MTCL1: variants seen among roughly 807,000 people sequenced by gnomAD.
The protein encoded by MTCL1 is microtubule crosslinking factor 1.
MTCL1 carries 79 observed loss-of-function variants against 141.4 expected under a neutral mutation model. The observed-to-expected ratio is 0.56, with a 90% CI of 0.47 to 0.67. The LOEUF is 0.67. MTCL1 is among the 30% of genes least tolerant of loss of function. MTCL1 has a pLI of 0.00. For missense variants in MTCL1, 2,177 were observed against 2,113.9 expected, an observed-to-expected ratio of 1.03 and a Z score of -0.59; for synonymous variants, 914 against 875.8, an observed-to-expected ratio of 1.04 and a Z score of -0.77.
intron 5 of MTCL1, 120 bp from the exon 5 acceptor site, chr18:8,783,410 T>C (rs1424120306): frequency 3.2e-6 from 3 of 952,018 alleles, no homozygotes; most frequent in African/African-American, 3.3e-5. Context: ...GCGGCACCGA[T>C]GGGAAGATCG....
chr18:8,770,781 G>A (rs993478519), intron 4 of MTCL1, among the ~76,000 whole-genome samples: 6 of 152,082 alleles, frequency 3.9e-5, no homozygotes, highest in African/African-American at 1.4e-4. Flanking sequence ...AAGGAGAAAG[G>A]GTTTCCTTTG....
At chr18:8,824,797 A>T in exon 15 of MTCL1, 1 of 1,614,064 alleles carries the variant, frequency 6.2e-7, no homozygotes, top group Non-Finnish European at 8.5e-7. Flanking sequence ...AGCAAGGAGG[A>T]TGTCACCCCA....
chr18:8,732,268 A>T (rs1284173611), intron 4 of MTCL1, among the ~76,000 whole-genome samples: 1 of 151,234 alleles, frequency 6.6e-6, no homozygotes, highest in Non-Finnish European at 1.5e-5. Flanking sequence ...TGATTTTTTA[A>T]ATTTATTTAT....
At position 8,793,131 on chromosome 18, in the gene MTCL1, A is replaced by C. The variant is rs957162343; in HGVS notation, c.2010+11A>C. 6.2e-7 allele frequency: 1 copy of C among 1,612,928 alleles called. No homozygotes were observed. Among genetic ancestry groups the C allele is most frequent in the African/African-American group, 1.3e-5 (1 of 74,902 alleles). ...AACAAGATCCATAAGGTAAATATTT[A>C]ACACGGACTCAGCACAACCGCTTTG... On this transcript the variant is annotated intron_variant, in intron 8 of 16. Transcript: ENST00000359865.
intron 16 of MTCL1, chr18:8,829,194 T>C (rs898600147): frequency 2.0e-6 from 2 of 985,340 alleles, no homozygotes; most frequent in East Asian, 1.1e-4. Context: ...TTTTAGGTTA[T>C]AGAGATTCTG....
chr18:8,735,312 C>A (rs1598432457), intron 4 of MTCL1, among the ~76,000 whole-genome samples: 1 of 152,282 alleles, frequency 6.6e-6, no homozygotes, highest in East Asian at 1.9e-4. Context: ...TTTCTTTTCT[C>A]CTCTGTCCTC....
At chr18:8,813,191 G>T (rs890974664) in exon 12 of MTCL1, 1 of 1,612,924 alleles carries the variant, frequency 6.2e-7, no homozygotes, top group Non-Finnish European at 8.5e-7. Context: ...ATCGGCAGGA[G>T]TGGGAGCGGC....
upstream of MTCL1, among the ~76,000 whole-genome samples, chr18:8,712,888 T>G (rs2096102779): frequency 6.6e-6 from 1 of 152,228 alleles, no homozygotes; most frequent in Non-Finnish European, 1.5e-5. Context: ...CCAAACTGGG[T>G]CTATTTAAAG....
chr18:8,768,861 G>A (rs2096472217), intron 4 of MTCL1, among the ~76,000 whole-genome samples: 1 of 137,988 alleles, frequency 7.2e-6, no homozygotes, highest in South Asian at 2.3e-4. Context: ...GCGCGATCTT[G>A]GCTCACTGCA....
chr18:8,762,824 C>T (rs931797185), intron 4 of MTCL1, among the ~76,000 whole-genome samples: 11 of 152,004 alleles, frequency 7.2e-5, no homozygotes, highest in South Asian at 4.2e-4. Context: ...CGGGATAGGG[C>T]GGGAAGGAGG....
exon 9 of MTCL1, chr18:8,796,318 C>T (rs779607978): frequency 1.9e-6 from 3 of 1,614,156 alleles, no homozygotes; most frequent in Non-Finnish European, 2.5e-6. Flanking sequence ...ATGAGCGAAC[C>T]TGGAGTGATG....
intron 10 of MTCL1, among the ~76,000 whole-genome samples, chr18:8,803,078 G>T (rs900918277): frequency 6.6e-6 from 1 of 151,744 alleles, no homozygotes; most frequent in African/African-American, 2.4e-5. Context: ...CTCTCAGGAT[G>T]ACTCACTATC....
rs77297225 is a variant in MTCL1 at position 8,769,651 on chromosome 18, A to G, written c.358-8182A>G. 1.0e-2 allele frequency among the ~76,000 whole-genome samples: 1,520 copies of G among 152,266 alleles called. 34 individuals carry two copies. The highest frequency in any genetic ancestry group is 0.035 in the African/African-American group (1,457 of 41,544). Reference sequence around the variant, plus strand: ...TGTGCTGGGCATCTGTGTCCATCCCAGGTGGCCTGGTGACCCTGACCTTCC... The same window carrying G: ...TGTGCTGGGCATCTGTGTCCATCCCGGGTGGCCTGGTGACCCTGACCTTCC... On this transcript the variant is annotated intron_variant, in intron 4 of 16. Coordinates refer to ENST00000359865, the Ensembl canonical transcript of MTCL1.
At chr18:8,803,261 C>A (rs2076183381) in intron 10 of MTCL1, among the ~76,000 whole-genome samples, 1 of 152,060 alleles carries the variant, frequency 6.6e-6, no homozygotes, top group Non-Finnish European at 1.5e-5. Flanking sequence ...AACGCGACAA[C>A]CTGGACTGCA....
intron 4 of MTCL1, among the ~76,000 whole-genome samples, chr18:8,768,789 C>CTTT (rs773958752): frequency 0.018 from 2,175 of 117,796 alleles, 73 homozygotes; most frequent in African/African-American, 0.037. Flanking sequence ...CTTTTCTTCT[C>CTTT]TTTTTTTTTT....
At chr18:8,747,690 A>G (rs565717801) in intron 4 of MTCL1, among the ~76,000 whole-genome samples, 3 of 152,296 alleles carry the variant, frequency 2.0e-5, no homozygotes, top group African/African-American at 7.2e-5. Context: ...ACTTGAACAT[A>G]TCTTCTTGGG....
intron 4 of MTCL1, among the ~76,000 whole-genome samples, chr18:8,776,722 GTTATTTATTTA>G (rs1315949153): frequency 9.1e-5 from 13 of 142,678 alleles, no homozygotes; most frequent in Admixed American, 3.5e-4. Flanking sequence ...GGAAACACTA[GTTATTTATTTA>G]TTTATTTATT....
At chr18:8,758,828 C>A (rs537534767) in intron 4 of MTCL1, among the ~76,000 whole-genome samples, 8 of 152,072 alleles carry the variant, frequency 5.3e-5, no homozygotes, top group Non-Finnish European at 1.2e-4. Flanking sequence ...CTGCTGATAC[C>A]CAGGGAAACC....
chr18:8,759,244 G>A (rs1012468349), intron 4 of MTCL1, among the ~76,000 whole-genome samples: 4 of 152,206 alleles, frequency 2.6e-5, no homozygotes, highest in African/African-American at 9.7e-5. Context: ...TATGACTTAG[G>A]TCTGAAAGTA....
Sources: gnomAD v4.1 joint callset for allele counts (sites outside exome capture counted in the v4.1 genomes callset) on GRCh38, gnomAD v4.1.1 for gene constraint, MANE v1.5 for transcripts, NCBI Gene and HGNC (gene_info 2026-07-23, HGNC 2026-07-21) for gene names.